Variants in GLIS3 observed in about 807,000 individuals in gnomAD.
GLIS3 encodes GLIS family zinc finger 3, also known as zinc finger protein GLIS3.
GLIS3 carries 53 observed loss-of-function variants against 78.6 expected under a neutral mutation model. The ratio of observed to expected loss-of-function variants is 0.67; its 90% CI spans 0.54 to 0.85. The LOEUF (loss-of-function observed/expected upper bound fraction) is 0.85. GLIS3 is among the 40% of genes least tolerant of loss of function. The pLI is 0.00. For synonymous variants in GLIS3, 684 were observed against 509.9 expected (o/e 1.34, Z -4.60); for missense variants, 1,703 against 1,231.1 (o/e 1.38, Z -5.74).
intron 2 of GLIS3, among the ~76,000 whole-genome samples, chr9:4,161,562 A>T (rs1266768185): frequency 6.6e-6 from 1 of 152,096 alleles, no homozygotes; most frequent in African/African-American, 2.4e-5. Flanking sequence ...GGTAAGAAGC[A>T]GATACTTCAC....
the GLIS3 span, among the ~76,000 whole-genome samples, chr9:4,407,842 A>T: frequency 6.6e-6 from 1 of 152,296 alleles, no homozygotes; most frequent in East Asian, 1.9e-4. Flanking sequence ...GCAGAATGAG[A>T]GAAAGTATTT....
At chr9:3,987,761 C>CAAAAAAAAA (rs60986898) in intron 4 of GLIS3, among the ~76,000 whole-genome samples, 7 of 10,462 alleles carry the variant, frequency 6.7e-4, no homozygotes, top group African/African-American at 1.4e-3. Flanking sequence ...CTGGATTTGG[C>CAAAAAAAAA]AAAAAAAAAA....
the GLIS3 span, among the ~76,000 whole-genome samples, chr9:4,455,791 A>AT: frequency 1.3e-5 from 2 of 152,106 alleles, no homozygotes; most frequent in South Asian, 2.1e-4. Context: ...GATTCACATG[A>AT]TTGTTTTTCA....
the GLIS3 span, among the ~76,000 whole-genome samples, chr9:4,457,920 C>G: frequency 6.6e-6 from 1 of 151,936 alleles, no homozygotes; most frequent in African/African-American, 2.4e-5. Context: ...AAGTTCTGAC[C>G]TTAAGTATAG....
the GLIS3 span, among the ~76,000 whole-genome samples, chr9:4,360,359 C>G: frequency 1.3e-5 from 2 of 152,144 alleles, no homozygotes; most frequent in African/African-American, 4.8e-5. Flanking sequence ...TGAAACCCTC[C>G]CAGCCAAAGT....
At chr9:3,851,735 T>G (rs560964376) in intron 9 of GLIS3, among the ~76,000 whole-genome samples, 1 of 151,716 alleles carries the variant, frequency 6.6e-6, no homozygotes, top group Non-Finnish European at 1.5e-5. Flanking sequence ...CCTTCATAGC[T>G]CTCTGTAATG....
the GLIS3 span, among the ~76,000 whole-genome samples, chr9:4,397,138 G>A: frequency 7.3e-6 from 1 of 136,720 alleles, no homozygotes; most frequent in Admixed American, 7.4e-5. Context: ...CCATTCTCCT[G>A]CCTCAGCCTC....
At chr9:3,989,978 A>G (rs1820089649) in intron 4 of GLIS3, among the ~76,000 whole-genome samples, 1 of 152,198 alleles carries the variant, frequency 6.6e-6, no homozygotes, top group Non-Finnish European at 1.5e-5. Context: ...AAATACTAAC[A>G]TTGGGGGAAA....
At chr9:4,034,092 G>A (rs765300416) in intron 4 of GLIS3, among the ~76,000 whole-genome samples, 8 of 151,870 alleles carry the variant, frequency 5.3e-5, no homozygotes, top group Non-Finnish European at 1.2e-4. Flanking sequence ...GGCTGGGCAT[G>A]GTGGTGCATG....
At chr9:3,952,979 T>A (rs1563885497) in intron 4 of GLIS3, among the ~76,000 whole-genome samples, 2 of 152,174 alleles carry the variant, frequency 1.3e-5, no homozygotes, top group African/African-American at 4.8e-5. Context: ...TTTAAAAAAA[T>A]CATATTGTGA....
chr9:3,829,191 C>T (rs896777355), intron 10 of GLIS3, 119 bp downstream of exon 10: 5 of 843,426 alleles, frequency 5.9e-6, no homozygotes, highest in Non-Finnish European at 1.0e-5. Flanking sequence ...AGGGGTCGTT[C>T]AACAGGATTT....
chr9:4,087,273 T>C (rs936395146), intron 4 of GLIS3, among the ~76,000 whole-genome samples: 10 of 152,166 alleles, frequency 6.6e-5, no homozygotes, highest in African/African-American at 1.9e-4. Flanking sequence ...ATTTAGGCCA[T>C]GGATAAACAT....
chr9:3,924,908 A>G (rs1404737022), intron 6 of GLIS3, among the ~76,000 whole-genome samples: 1 of 152,204 alleles, frequency 6.6e-6, no homozygotes, highest in Admixed American at 6.5e-5. Flanking sequence ...GGCTTCTGTC[A>G]GTCAGTCAAT....
At chr9:4,366,029 G>A in the GLIS3 span, among the ~76,000 whole-genome samples, 1 of 152,160 alleles carries the variant, frequency 6.6e-6, no homozygotes, top group Non-Finnish European at 1.5e-5. Flanking sequence ...GGAAGGAAAG[G>A]CCGTTGAAAA....
intron 2 of GLIS3, among the ~76,000 whole-genome samples, chr9:4,161,355 T>C (rs1835462229): frequency 6.6e-6 from 1 of 152,124 alleles, no homozygotes; most frequent in African/African-American, 2.4e-5. Context: ...AGAAAATTTC[T>C]GTTTTAGCAT....
At chr9:4,239,623 T>G (rs1033516017) in intron 2 of GLIS3, among the ~76,000 whole-genome samples, 1 of 152,206 alleles carries the variant, frequency 6.6e-6, no homozygotes, top group Non-Finnish European at 1.5e-5. Context: ...TAACAGAAGG[T>G]CTACGCTTTG....
At chr9:4,061,654 T>A (rs1475262222) in intron 4 of GLIS3, among the ~76,000 whole-genome samples, 1 of 152,184 alleles carries the variant, frequency 6.6e-6, no homozygotes, top group Non-Finnish European at 1.5e-5. Context: ...TGTTGATACT[T>A]TTTTAGAGTC....
chr9:4,208,178 G>A (rs966229442), intron 2 of GLIS3, among the ~76,000 whole-genome samples: 1 of 152,194 alleles, frequency 6.6e-6, no homozygotes, highest in Non-Finnish European at 1.5e-5. Flanking sequence ...TGCCACACAT[G>A]AGTAATCTAA....
the GLIS3 span, among the ~76,000 whole-genome samples, chr9:4,471,809 G>A: frequency 3.3e-5 from 5 of 152,186 alleles, no homozygotes; most frequent in African/African-American, 1.2e-4. Context: ...TACCATCAGA[G>A]TGAACAGGCA....
Sources: allele counts gnomAD v4.1 joint callset (sites outside exome capture counted in the v4.1 genomes callset), GRCh38; gene constraint gnomAD v4.1.1; transcripts MANE v1.5; gene names NCBI Gene and HGNC (gene_info 2026-07-23, HGNC 2026-07-21).